GMCL1: variants seen among roughly 807,000 people sequenced by gnomAD.
GMCL1 encodes the protein germ cell-less 1, spermatogenesis associated, also known as germ cell-less protein-like 1.
GMCL1 carries 54 observed loss-of-function variants against 75.5 expected under a neutral mutation model. That is an observed-to-expected ratio of 0.71 (90% CI 0.57 to 0.90). GMCL1 has a LOEUF of 0.90. Among genes scored for constraint, GMCL1 ranks in the 40% least tolerant of loss-of-function variants. The probability of loss-of-function intolerance (pLI) is 0.00; values close to 1 mark genes in which losing one functional copy is unlikely to be tolerated. For missense variants in GMCL1, 537 were observed against 622.7 expected (o/e 0.86, Z 1.47); for synonymous variants, 210 against 209.6 (o/e 1.00, Z -0.02).
intron 8 of GMCL1, among the ~76,000 whole-genome samples, chr2:69,851,959 C>T (rs1057018641): frequency 6.6e-6 from 1 of 152,102 alleles, no homozygotes; most frequent in Non-Finnish European, 1.5e-5. Context: ...TGAAATATAA[C>T]TTGATTTCCT....
intron 9 of GMCL1, among the ~76,000 whole-genome samples, chr2:69,860,978 G>A (rs1287452737): frequency 6.6e-6 from 1 of 152,130 alleles, no homozygotes; most frequent in African/African-American, 2.4e-5. Context: ...AAGTAGTTGG[G>A]ATTACAGGCG....
At chr2:69,837,222 C>A (rs1185181500) in intron 1 of GMCL1, among the ~76,000 whole-genome samples, 1 of 152,172 alleles carries the variant, frequency 6.6e-6, no homozygotes, top group Non-Finnish European at 1.5e-5. Flanking sequence ...ATGCTAACTT[C>A]TTAATCTATT....
chr2:69,863,681 A>G (rs1012512577), intron 10 of GMCL1, among the ~76,000 whole-genome samples: 3 of 152,236 alleles, frequency 2.0e-5, no homozygotes, highest in African/African-American at 7.2e-5. Flanking sequence ...TAAAAGTTAC[A>G]GAATAAATGC....
intron 7 of GMCL1, among the ~76,000 whole-genome samples, chr2:69,849,029 A>G (rs568830697): frequency 6.6e-6 from 1 of 152,172 alleles, no homozygotes; most frequent in South Asian, 2.1e-4. Context: ...ATAAATTAGT[A>G]TAAAATTTCT....
rs34707640 is a variant in GMCL1 at position 69,856,640 on chromosome 2, C to CTTT, written c.1072+1706_1072+1708dup. Among the ~76,000 whole-genome samples the CTTT allele has an allele frequency of 1.9e-3, 169 of 89,838 alleles. 2 individuals carry two copies. The highest frequency in any genetic ancestry group is 6.4e-3 in the African/African-American group (161 of 25,084). The allele number at this position is 89,838 out of a possible 152,430, so 58.9% of individuals were successfully genotyped here. ...AACAAAATCTTCCATCTCTTCCCTC[C>CTTT]TTTTTTTTTTTTTTTTTTTTTTTTT... is the stretch of plus-strand genomic sequence containing the variant. On this transcript the variant is annotated intron_variant, in intron 9 of 13. Transcript: ENST00000282570.
chr2:69,858,241 C>A (rs1675537726), intron 9 of GMCL1, among the ~76,000 whole-genome samples: 1 of 152,190 alleles, frequency 6.6e-6, no homozygotes, highest in Admixed American at 6.5e-5. Flanking sequence ...TCTCAAACTT[C>A]TAGTCTTAAG....
chr2:69,847,447 A>AT (rs890391216), intron 6 of GMCL1, 96 bp from the exon 7 acceptor site: 42 of 797,190 alleles, frequency 5.3e-5, no homozygotes, highest in South Asian at 4.1e-4. Context: ...AATTCCACAT[A>AT]TTTTTTTACA....
At chr2:69,861,468 A>C (rs1247646554) in intron 10 of GMCL1, 121 bp downstream of exon 10, 1 of 562,636 alleles carries the variant, frequency 1.8e-6, no homozygotes, top group Non-Finnish European at 3.1e-6. Context: ...AGTAAAGATC[A>C]TATAATCACT....
chr2:69,832,609 A>G (rs1194195369), intron 1 of GMCL1, among the ~76,000 whole-genome samples: 3 of 152,172 alleles, frequency 2.0e-5, no homozygotes, highest in African/African-American at 7.2e-5. Flanking sequence ...ATGATATCTT[A>G]TTTTCCCTCC....
Position 69,869,828 on chromosome 2 carries a change from C to G in GMCL1, c.1328C>G (p.Ser443Cys). The stretch of plus-strand genomic sequence containing the variant: ...ACACTGAATCAGCCATGTAGCGGAT[C>G]TGTCAGTTTACAGCCTCGAAGGAGC... ...RNTLNQPCSG[S>C]VSLQPRRSIA... is the part of the protein sequence containing the mutation. Residue 443 changes from serine to cysteine, a missense_variant, in exon 12 of 14, where the codon TCT (serine) becomes TGT (cysteine). Ser to Cys is a moderately radical substitution (Grantham distance 112). Coordinates refer to ENST00000282570, the MANE Select transcript of GMCL1 (RefSeq NM_178439.5). 6.2e-7 allele frequency: 1 copy of G among 1,613,948 alleles called. No individual in the cohort carries two copies. The highest frequency in any genetic ancestry group is 1.3e-5 in the African/African-American group (1 of 74,980).
At chr2:69,860,010 AT>A in intron 9 of GMCL1, among the ~76,000 whole-genome samples, 1 of 151,952 alleles carries the variant, frequency 6.6e-6, no homozygotes, top group East Asian at 1.9e-4. Flanking sequence ...GTATTTATTT[AT>A]TTTTTTTGAG....
At chr2:69,878,861 G>T (rs755860243) in intron 13 of GMCL1, 48 bp from the exon 14 acceptor site, 2 of 1,364,338 alleles carry the variant, frequency 1.5e-6, no homozygotes, top group Admixed American at 3.5e-5. Context: ...TTGGTTTTTT[G>T]TTTTTATTTT....
rs1336540675 is a variant in GMCL1, at chr2:69,879,184, T to C, written c.*180T>C. Reference sequence around the variant, plus strand: ...CAGACAATACAGAAGATTATTCTTATCCTCATTGCATTTCTATGCATATGC... The same window carrying C: ...CAGACAATACAGAAGATTATTCTTACCCTCATTGCATTTCTATGCATATGC... On this transcript the variant is annotated 3_prime_UTR_variant, in exon 14 of 14. Coordinates refer to ENST00000282570, the MANE Select transcript of GMCL1 (RefSeq NM_178439.5). The C allele has an allele frequency of 2.0e-6, 1 of 490,030 alleles. No homozygotes were observed. The highest frequency in any genetic ancestry group is 3.4e-5 in the East Asian group (1 of 29,410). The allele number at this position is 490,030 out of a possible 1,614,324, so 30.4% of individuals were successfully genotyped here. A position where few individuals can be genotyped will look rare whatever the true frequency, so the allele number is the denominator to read the frequency against.
At chr2:69,832,524 A>C (rs1674703724) in intron 1 of GMCL1, among the ~76,000 whole-genome samples, 1 of 152,236 alleles carries the variant, frequency 6.6e-6, no homozygotes, top group Non-Finnish European at 1.5e-5. Flanking sequence ...GGTTTCTCAC[A>C]TGTATATAAC....
chr2:69,861,702 T>C (rs1183789812), intron 10 of GMCL1, among the ~76,000 whole-genome samples: 1 of 152,218 alleles, frequency 6.6e-6, no homozygotes, highest in Non-Finnish European at 1.5e-5. Flanking sequence ...TATGTCTAGG[T>C]AAATCTGTTT....
At chr2:69,872,684 C>T (rs778404075) in intron 13 of GMCL1, among the ~76,000 whole-genome samples, 1 of 152,178 alleles carries the variant, frequency 6.6e-6, no homozygotes, top group Admixed American at 6.5e-5. Flanking sequence ...AACTGACCCC[C>T]ATCTTACATG....
intron 11 of GMCL1, among the ~76,000 whole-genome samples, chr2:69,868,403 T>C (rs1675880973): frequency 6.6e-6 from 1 of 152,200 alleles, no homozygotes; most frequent in Non-Finnish European, 1.5e-5. Context: ...AGCCAAACAC[T>C]TGAAGCCCTA....
intron 1 of GMCL1, among the ~76,000 whole-genome samples, chr2:69,836,879 C>T (rs575041722): frequency 1.6e-4 from 25 of 152,136 alleles, no homozygotes; most frequent in Non-Finnish European, 3.1e-4. Flanking sequence ...CACTCCTTAG[C>T]TCTCCTTGGT....
At position 69,839,439 on chromosome 2, in the gene GMCL1, C is replaced by A; in HGVS notation, c.385-18C>A. 1 of 1,330,830 alleles carries A rather than the reference C, an allele frequency of 7.5e-7. No individual in the cohort carries two copies. The highest frequency in any genetic ancestry group is 1.0e-6 in the Non-Finnish European group (1 of 964,408). The allele number at this position is 1,330,830 out of a possible 1,614,324, so 82.4% of individuals were successfully genotyped here. On this transcript the variant is annotated intron_variant, in intron 2 of 13. Transcript: ENST00000282570. The stretch of plus-strand genomic sequence containing the variant: ...ACAGAAAGTACTTGATAATCGTTGA[C>A]TTTTTTTTTTGTTTAAGTCTGGCTA...
Sources: allele counts gnomAD v4.1 joint callset (sites outside exome capture counted in the v4.1 genomes callset), GRCh38; gene constraint gnomAD v4.1.1; transcripts MANE v1.5; gene names NCBI Gene and HGNC (gene_info 2026-07-23, HGNC 2026-07-21).